TNFRSF11A: variants seen among roughly 807,000 people sequenced by gnomAD.
TNFRSF11A encodes tumor necrosis factor receptor superfamily member 11A.
TNFRSF11A carries 32 observed loss-of-function variants against 55.7 expected under a neutral mutation model. That is an observed-to-expected ratio of 0.57 (90% CI 0.43 to 0.77). TNFRSF11A has a LOEUF of 0.77. TNFRSF11A is among the 30% of genes least tolerant of loss of function. The pLI is 0.00. For synonymous variants in TNFRSF11A, 311 were observed against 331.0 expected (o/e 0.94, Z 0.65); for missense variants, 753 against 809.8 (o/e 0.93, Z 0.85).
At position 62,358,225 on chromosome 18, in the gene TNFRSF11A, GT is replaced by G. The variant is rs71160827; in HGVS notation, c.428-8del. 302,065 of 1,409,200 alleles carry G rather than the reference GT, an allele frequency of 0.21. 3,533 individuals carry two copies. The highest frequency in any genetic ancestry group is 0.23 in the South Asian group (19,358 of 82,604). 87.3% of individuals were successfully genotyped at this position (1,409,200 alleles called of 1,614,324 possible). A position where few individuals can be genotyped will look rare whatever the true frequency, so the allele number is the denominator to read the frequency against. On this transcript the variant is annotated intron_variant, in intron 4 of 9. Coordinates refer to ENST00000586569, the MANE Select transcript of TNFRSF11A (RefSeq NM_003839.4). ...GTTTTTTGTTTGTTCTGTCTGGGTT[GT>G]TTTTTTTTTTTTTTCTCACAGTGCA... is the stretch of plus-strand genomic sequence containing the variant.
chr18:62,386,146 C>T lies in TNFRSF11A; in HGVS notation c.*1112C>T, dbSNP rs1911716832. ...AGCAAATTTCTAAAACTCCAAGTTGCTGCAGCTTGGCATTCTTCTTATTCT... is the reference window on the plus strand; with the variant it reads ...AGCAAATTTCTAAAACTCCAAGTTGTTGCAGCTTGGCATTCTTCTTATTCT... On this transcript the variant is annotated 3_prime_UTR_variant, in exon 10 of 10. Transcript: ENST00000586569. The T allele has an allele frequency of 6.6e-6, 1 of 152,148 alleles. No homozygotes were observed. Among genetic ancestry groups the T allele is most frequent in the Non-Finnish European group, 1.5e-5 (1 of 68,024 alleles). 9.4% of individuals were successfully genotyped at this position (152,148 alleles called of 1,614,324 possible).
In TNFRSF11A at chr18:62,386,496, C is replaced by G. The variant is rs943538826; in HGVS notation, c.*1462C>G. 1.3e-5 allele frequency: 2 copies of G among 152,146 alleles called. No individual in the cohort carries two copies. Among genetic ancestry groups the G allele is most frequent in the African/African-American group, 4.8e-5 (2 of 41,412 alleles). 9.4% of individuals were successfully genotyped at this position (152,146 alleles called of 1,614,324 possible). A position where few individuals can be genotyped will look rare whatever the true frequency, so the allele number is the denominator to read the frequency against. On this transcript the variant is annotated 3_prime_UTR_variant, in exon 10 of 10. Coordinates refer to ENST00000586569, the MANE Select transcript of TNFRSF11A (RefSeq NM_003839.4). Reference sequence around the variant, plus strand: ...GCTTGTGAGAAGCCTAGAGGACGCTCCAGGTGGAAGGAAATCCCCTGGGTG... The same window carrying G: ...GCTTGTGAGAAGCCTAGAGGACGCTGCAGGTGGAAGGAAATCCCCTGGGTG...
intron 1 of TNFRSF11A, among the ~76,000 whole-genome samples, chr18:62,338,674 G>A (rs2046269067): frequency 6.6e-6 from 1 of 152,114 alleles, no homozygotes; most frequent in Non-Finnish European, 1.5e-5. Context: ...GAGGGGGAAT[G>A]GGGAGTTACT....
chr18:62,337,127 C>T (rs1280863320), intron 1 of TNFRSF11A, among the ~76,000 whole-genome samples: 1 of 152,154 alleles, frequency 6.6e-6, no homozygotes, highest in Non-Finnish European at 1.5e-5. Context: ...GACTTCTAAT[C>T]ACAGTTACCT....
intron 9 of TNFRSF11A, among the ~76,000 whole-genome samples, chr18:62,374,640 T>G (rs1319424184): frequency 1.3e-5 from 2 of 152,206 alleles, no homozygotes; most frequent in Non-Finnish European, 2.9e-5. Context: ...AAGGTATGCA[T>G]TGTCTTGCTT....
At chr18:62,339,782 C>T (rs900001901) in intron 1 of TNFRSF11A, among the ~76,000 whole-genome samples, 2 of 152,126 alleles carry the variant, frequency 1.3e-5, no homozygotes, top group African/African-American at 2.4e-5. Context: ...GAGATAAAGG[C>T]GAGTGACTCA....
intron 5 of TNFRSF11A, 76 bp from the exon 6 acceptor site, chr18:62,359,879 G>C: frequency 7.5e-7 from 1 of 1,337,854 alleles, no homozygotes; most frequent in Non-Finnish European, 1.1e-6. Context: ...GGCAATCTGG[G>C]AGAGTTTTGC....
intron 3 of TNFRSF11A, among the ~76,000 whole-genome samples, chr18:62,350,188 A>T (rs527472568): frequency 6.6e-6 from 1 of 152,316 alleles, no homozygotes; most frequent in South Asian, 2.1e-4. Context: ...ACTTGACATA[A>T]TGTTTCCATA....
chr18:62,329,755 C>T (rs1284203887), intron 1 of TNFRSF11A, among the ~76,000 whole-genome samples: 1 of 152,132 alleles, frequency 6.6e-6, no homozygotes, highest in Non-Finnish European at 1.5e-5. Context: ...CTATTTCCTG[C>T]CTGCGAGACC....
intron 9 of TNFRSF11A, among the ~76,000 whole-genome samples, chr18:62,370,444 C>G (rs576415674): frequency 3.3e-5 from 5 of 152,346 alleles, no homozygotes; most frequent in African/African-American, 1.2e-4. Context: ...TCCAGAGATG[C>G]TTTTTCTTCT....
Position 62,348,259 on chromosome 18 carries a change from C to T in TNFRSF11A, c.157+10C>T. On this transcript the variant is annotated intron_variant, in intron 2 of 9. Coordinates refer to ENST00000586569, the MANE Select transcript of TNFRSF11A (RefSeq NM_003839.4). ...AACAAATGTGAACCAGGTACACCTG[C>T]TTCTGAGCCACCTTGCATTGCCCCT... 1 of 1,611,942 alleles carries T rather than the reference C, an allele frequency of 6.2e-7. No individual in the cohort carries two copies. The highest frequency in any genetic ancestry group is 1.1e-5 in the South Asian group (1 of 91,034).
rs1433067227 is a variant in TNFRSF11A at position 62,384,654 on chromosome 18, G to A, written c.1568-97G>A. 7 of 1,464,758 alleles carry A rather than the reference G, an allele frequency of 4.8e-6. No homozygotes were observed. The East Asian group carries it at 1.7e-4, about 36-fold the overall frequency. 90.7% of individuals were successfully genotyped at this position (1,464,758 alleles called of 1,614,324 possible). A position where few individuals can be genotyped will look rare whatever the true frequency, so the allele number is the denominator to read the frequency against. On this transcript the variant is annotated intron_variant, in intron 9 of 9. Coordinates refer to ENST00000586569, the MANE Select transcript of TNFRSF11A (RefSeq NM_003839.4). ...TGTGGCCCCGGGCTGTGGGAATCCG[G>A]GGAGCCGCCCTCCACTCCCCGGAAC...
Position 62,386,201 on chromosome 18 carries a change from T to G in TNFRSF11A, c.*1167T>G, listed in dbSNP as rs1911720447. Reference sequence around the variant, plus strand: ...GTCTCTCTGGAAAAGATGGAGAAAATGAACAGGACATGGGGCTCCTGGAAA... The same window carrying G: ...GTCTCTCTGGAAAAGATGGAGAAAAGGAACAGGACATGGGGCTCCTGGAAA... On this transcript the variant is annotated 3_prime_UTR_variant, in exon 10 of 10. Transcript: ENST00000586569. The G allele has an allele frequency of 2.0e-5, 3 of 152,098 alleles. No individual in the cohort carries two copies. The highest frequency in any genetic ancestry group is 4.8e-5 in the African/African-American group (2 of 41,398). The allele number at this position is 152,098 out of a possible 1,614,324, so 9.4% of individuals were successfully genotyped here.
At chr18:62,344,457 A>G (rs1568477037) in intron 1 of TNFRSF11A, among the ~76,000 whole-genome samples, 1 of 152,360 alleles carries the variant, frequency 6.6e-6, no homozygotes, top group East Asian at 1.9e-4. Flanking sequence ...AAATCACTCT[A>G]TTAACTGAAG....
At chr18:62,361,894 G>A (rs1375805028) in intron 7 of TNFRSF11A, 101 bp downstream of exon 7, 1 of 1,087,170 alleles carries the variant, frequency 9.2e-7, no homozygotes, top group East Asian at 2.4e-5. Flanking sequence ...TGCCTATGGT[G>A]ATCTGCTTAA....
rs369661742 is a variant in TNFRSF11A at position 62,360,053 on chromosome 18, T to A, written c.616+4T>A. 1.9e-6 allele frequency: 3 copies of A among 1,613,238 alleles called. No individual in the cohort carries two copies. In the East Asian group the frequency reaches 6.7e-5, roughly 36 times the overall value. ...CCAGCTAGAAAACCACCAAATGGTA[T>A]GTTTAAAAAGAGCCTGTTGGTTGAT... On this transcript the variant is annotated splice_donor_region_variant and intron_variant, in intron 6 of 9. Coordinates refer to ENST00000586569, the MANE Select transcript of TNFRSF11A (RefSeq NM_003839.4).
chr18:62,350,316 G>A (rs924429838), intron 3 of TNFRSF11A, among the ~76,000 whole-genome samples: 9 of 151,700 alleles, frequency 5.9e-5, no homozygotes, highest in Admixed American at 4.6e-4. Context: ...TATTTGAGAC[G>A]GAGTCTCGCT....
At chr18:62,353,812 G>T (rs1349680512) in intron 3 of TNFRSF11A, among the ~76,000 whole-genome samples, 1 of 152,160 alleles carries the variant, frequency 6.6e-6, no homozygotes, top group South Asian at 2.1e-4. Context: ...AGAAGGCCAT[G>T]TGTTGTGAAA....
At chr18:62,358,410 T>C in intron 5 of TNFRSF11A, 69 bp downstream of exon 5, 1 of 1,458,992 alleles carries the variant, frequency 6.9e-7, no homozygotes, top group Non-Finnish European at 9.6e-7. Flanking sequence ...CTGTCTCGTC[T>C]GGGTTGAAAA....
Sources: gnomAD v4.1 joint callset for allele counts (sites outside exome capture counted in the v4.1 genomes callset) on GRCh38, gnomAD v4.1.1 for gene constraint, MANE v1.5 for transcripts, NCBI Gene and HGNC (gene_info 2026-07-23, HGNC 2026-07-21) for gene names.